Variants in C11orf54 observed in about 807,000 individuals in gnomAD.
The protein encoded by C11orf54 is beta-keto-L-gulonate decarboxylase, also known as beta-keto L-gulonate decarboxylase.
In C11orf54, 29 loss-of-function variants were observed where a neutral mutation model predicts 35.5. That is an observed-to-expected ratio of 0.82 (90% CI 0.61 to 1.11). The LOEUF (loss-of-function observed/expected upper bound fraction) is 1.11. Ranked by LOEUF, C11orf54 falls within the 50% of genes most tolerant of loss-of-function variation. The pLI, the probability that C11orf54 is intolerant of heterozygous loss-of-function variation, is 0.00. For synonymous variants in C11orf54, 108 were observed against 121.1 expected, an observed-to-expected ratio of 0.89 and a Z score of 0.71; for missense variants, 373 against 369.2, an observed-to-expected ratio of 1.01 and a Z score of -0.08.
At position 93,759,777 on chromosome 11, in the gene C11orf54, TGAA is replaced by T. The variant is rs1281819921; in HGVS notation, c.698_700del (p.Glu233del). 9 of 1,609,508 alleles carry T rather than the reference TGAA, an allele frequency of 5.6e-6. No homozygotes were observed. Among genetic ancestry groups the T allele is most frequent in the South Asian group, 2.2e-5 (2 of 90,474 alleles). On this transcript the variant is annotated inframe_deletion, in exon 8 of 9. Coordinates refer to ENST00000354421, the MANE Select transcript of C11orf54 (RefSeq NM_001286069.2). ...TTTCTTCCTGCCCCTTGAACTCTGA[TGAA>T]GAAGTGAATAAATGGTTGCATTTTT...
chr11:93,758,276 C>T (rs1943262220), intron 7 of C11orf54, among the ~76,000 whole-genome samples: 1 of 152,216 alleles, frequency 6.6e-6, no homozygotes, highest in South Asian at 2.1e-4. Flanking sequence ...GGTGCCGCTG[C>T]AATCGCCCAA....
intron 6 of C11orf54, 140 bp from the exon 7 acceptor site, chr11:93,757,176 A>C: frequency 2.6e-5 from 21 of 802,556 alleles, no homozygotes; most frequent in Non-Finnish European, 3.4e-5. Flanking sequence ...AATTCACGGG[A>C]TTGCAACATC....
At chr11:93,750,259 G>A in intron 2 of C11orf54, 87 bp from the exon 3 acceptor site, 1 of 898,920 alleles carries the variant, frequency 1.1e-6, no homozygotes, top group Non-Finnish European at 1.8e-6. Context: ...GAGATTGGGA[G>A]TGTGTTGAGA....
rs966835890 is a variant in C11orf54, at chr11:93,761,597, A to C, written c.857A>C (p.Asp286Ala). The part of the protein sequence containing the change: ...GGHYHYDTTP[D>A]IVEYLGYFLP... ...CACTACCATTATGACACTACTCCAGATATAGTGGAATATCTTGGATACTTC... is the reference window on the plus strand; with the variant it reads ...CACTACCATTATGACACTACTCCAGCTATAGTGGAATATCTTGGATACTTC... The change falls in exon 9 of 9, where the codon GAT (aspartate) becomes GCT (alanine). Residue 286 changes from aspartate to alanine, a missense_variant. Coordinates refer to ENST00000354421, the MANE Select transcript of C11orf54 (RefSeq NM_001286069.2). 1.9e-5 allele frequency: 31 copies of C among 1,613,314 alleles called. No homozygotes were observed. The highest frequency in any genetic ancestry group is 2.3e-5 in the Non-Finnish European group (27 of 1,179,602).
At chr11:93,758,785 C>T (rs1306291580) in intron 7 of C11orf54, among the ~76,000 whole-genome samples, 3 of 152,248 alleles carry the variant, frequency 2.0e-5, no homozygotes. Flanking sequence ...GCACCTACAG[C>T]CTGGATTCCG....
chr11:93,745,658 CTA>C (rs1942421997), intron 1 of C11orf54, among the ~76,000 whole-genome samples: 1 of 152,158 alleles, frequency 6.6e-6, no homozygotes, highest in South Asian at 2.1e-4. Flanking sequence ...CCACACAAAA[CTA>C]TGTTTAAAAT....
chr11:93,757,235 T>C, intron 6 of C11orf54, 81 bp from the exon 7 acceptor site: 1 of 1,427,218 alleles, frequency 7.0e-7, no homozygotes, highest in Non-Finnish European at 9.4e-7. Flanking sequence ...ATTTGCTTGA[T>C]AGAATTAAAT....
chr11:93,749,136 T>G (rs959232424), intron 2 of C11orf54, among the ~76,000 whole-genome samples: 3 of 124,250 alleles, frequency 2.4e-5, no homozygotes, highest in Non-Finnish European at 4.9e-5. Context: ...AGGGTGAGAC[T>G]CCATCTCAAA....
At chr11:93,759,385 T>C (rs1025626006) in intron 7 of C11orf54, among the ~76,000 whole-genome samples, 7 of 152,078 alleles carry the variant, frequency 4.6e-5, no homozygotes, top group African/African-American at 1.7e-4. Context: ...CTCAGCAAAC[T>C]ATCACAAGAT....
intron 3 of C11orf54, among the ~76,000 whole-genome samples, chr11:93,752,910 C>T (rs1002273588): frequency 2.6e-5 from 4 of 151,948 alleles, no homozygotes; most frequent in African/African-American, 9.7e-5. Flanking sequence ...GTACGCCCGG[C>T]TAATTTTTTG....
rs201344664 is a variant in C11orf54, at chr11:93,744,901, CT to C, written c.-97-2395del. 1.7e-3 allele frequency among the ~76,000 whole-genome samples: 263 copies of C among 152,258 alleles called. 2 individuals carry two copies. The East Asian group carries it at 0.04, about 23-fold the overall frequency. ...ACTTTTCACTATCTCGGCAAGGGAA[CT>C]GCGGTGGGAGAACAGGGTGATGGTG... is the stretch of plus-strand genomic sequence containing the variant. On this transcript the variant is annotated intron_variant, in intron 1 of 8. Coordinates refer to ENST00000354421, the MANE Select transcript of C11orf54 (RefSeq NM_001286069.2).
chr11:93,761,412 C>G (rs1943461917), intron 8 of C11orf54, 103 bp from the exon 9 acceptor site: 1 of 1,053,532 alleles, frequency 9.5e-7, no homozygotes, highest in Non-Finnish European at 1.4e-6. Flanking sequence ...AATGTATTAC[C>G]TATTTAAAAA....
intron 2 of C11orf54, among the ~76,000 whole-genome samples, chr11:93,749,475 G>A (rs1371440733): frequency 7.8e-6 from 1 of 128,446 alleles, no homozygotes; most frequent in Non-Finnish European, 1.6e-5. Context: ...CGACAGGGTA[G>A]GTAAGGCTAT....
At chr11:93,743,830 C>T (rs975626150) in intron 1 of C11orf54, among the ~76,000 whole-genome samples, 2 of 152,174 alleles carry the variant, frequency 1.3e-5, no homozygotes, top group Non-Finnish European at 2.9e-5. Flanking sequence ...GCTCCGTTTC[C>T]CTTCTAGACC....
intron 7 of C11orf54, among the ~76,000 whole-genome samples, chr11:93,758,756 G>A (rs1288949963): frequency 6.6e-6 from 1 of 152,254 alleles, no homozygotes; most frequent in African/African-American, 2.4e-5. Context: ...GCTCCCCACT[G>A]GCCTTCAGGC....
intron 5 of C11orf54, 66 bp from the exon 6 acceptor site, chr11:93,755,144 A>G: frequency 6.8e-7 from 1 of 1,474,466 alleles, no homozygotes; most frequent in Non-Finnish European, 9.3e-7. Context: ...ATGTTTTGTA[A>G]CATTATTCAA....
chr11:93,759,728 A>G lies in C11orf54; in HGVS notation c.658-14A>G. 1.4e-6 allele frequency: 2 copies of G among 1,448,512 alleles called. No homozygotes were observed. The highest frequency in any genetic ancestry group is 2.5e-5 in the South Asian group (2 of 79,180). The allele number at this position is 1,448,512 out of a possible 1,614,324, so 89.7% of individuals were successfully genotyped here. On this transcript the variant is annotated splice_polypyrimidine_tract_variant and intron_variant, in intron 7 of 8. Transcript: ENST00000354421. ...ATTCAGTATGTTTACCTATGTAATT[A>G]TCTTTTGTTGTAGCCTGCAGAATTT... is the stretch of plus-strand genomic sequence containing the variant.
intron 6 of C11orf54, among the ~76,000 whole-genome samples, chr11:93,756,287 C>T (rs181545909): frequency 3.4e-5 from 5 of 149,056 alleles, no homozygotes; most frequent in African/African-American, 1.2e-4. Flanking sequence ...TTCAGACCAG[C>T]CTGGGCAACA....
intron 1 of C11orf54, chr11:93,746,312 T>G (rs1437156464): frequency 6.6e-6 from 1 of 152,250 alleles, no homozygotes; most frequent in Admixed American, 6.5e-5. Context: ...ATTAACAGTT[T>G]TAACGAGAAC....
Sources: gnomAD v4.1 joint callset for allele counts (sites outside exome capture counted in the v4.1 genomes callset) on GRCh38, gnomAD v4.1.1 for gene constraint, MANE v1.5 for transcripts, NCBI Gene and HGNC (gene_info 2026-07-23, HGNC 2026-07-21) for gene names.